The following ZDHHC11 variants were observed in gnomAD, a reference collection of about 807,000 sequenced individuals.
The protein encoded by ZDHHC11 is palmitoyltransferase ZDHHC11.
In ZDHHC11, 44 loss-of-function variants were observed where a neutral mutation model predicts 51.3. The ratio of observed to expected loss-of-function variants is 0.86; its 90% CI spans 0.67 to 1.10. ZDHHC11 has a LOEUF of 1.10. Ranked by LOEUF, ZDHHC11 falls within the 50% of genes least tolerant of loss-of-function variation. The probability of loss-of-function intolerance (pLI) is 0.00; values close to 1 mark genes in which losing one functional copy is unlikely to be tolerated. For missense variants in ZDHHC11, 400 were observed against 537.7 expected (o/e 0.74, Z 2.53); for synonymous variants, 163 against 222.0 (o/e 0.73, Z 2.36).
At chr5:850,357 A>G (rs1460349423) in intron 1 of ZDHHC11, 24 bp downstream of exon 1, 3 of 1,611,776 alleles carry the variant, frequency 1.9e-6, no homozygotes, top group Non-Finnish European at 2.5e-6. Context: ...TCCCGCTTAG[A>G]CCATGCCACG....
At chr5:800,657 T>G (rs1738286155) in intron 12 of ZDHHC11, among the ~76,000 whole-genome samples, 1 of 151,444 alleles carries the variant, frequency 6.6e-6, no homozygotes, top group African/African-American at 2.4e-5. Flanking sequence ...TGTTTCACGG[T>G]TAAATTTCAC....
intron 12 of ZDHHC11, among the ~76,000 whole-genome samples, 151 bp downstream of exon 12, chr5:800,949 T>A (rs1202972677): frequency 3.3e-5 from 5 of 151,370 alleles, no homozygotes; most frequent in Non-Finnish European, 7.4e-5. Context: ...ACACGGTTCC[T>A]GTTCTGGGGT....
intron 3 of ZDHHC11, among the ~76,000 whole-genome samples, chr5:845,768 G>A (rs973580552): frequency 2.0e-5 from 3 of 151,372 alleles, no homozygotes; most frequent in Admixed American, 6.5e-5. Context: ...ACAGAAGCGA[G>A]GTTGGCACAG....
At chr5:853,354 G>T (rs1197049036), upstream of ZDHHC11, among the ~76,000 whole-genome samples, 16 of 148,290 alleles carry the variant, frequency 1.1e-4, no homozygotes, top group Non-Finnish European at 2.4e-4. Context: ...CGAGTCGGGG[G>T]TACAGACCCC....
intron 7 of ZDHHC11, among the ~76,000 whole-genome samples, 174 bp downstream of exon 7, chr5:833,599 A>C (rs1403948130): frequency 6.6e-6 from 1 of 150,744 alleles, no homozygotes; most frequent in Non-Finnish European, 1.5e-5. Context: ...CGAGATAGAT[A>C]ATTTGGTATA....
upstream of ZDHHC11, among the ~76,000 whole-genome samples, chr5:854,056 C>G (rs1291627140): frequency 1.5e-4 from 19 of 129,272 alleles, no homozygotes; most frequent in African/African-American, 5.5e-4. Context: ...CAGTGAGCAG[C>G]CGGGACAGAC....
At chr5:806,692 A>G (rs1404204184) in intron 11 of ZDHHC11, among the ~76,000 whole-genome samples, 1 of 151,336 alleles carries the variant, frequency 6.6e-6, no homozygotes, top group East Asian at 1.9e-4. Flanking sequence ...AGAAAAGCAC[A>G]AAGAGTCCAG....
chr5:850,733 C>T lies in ZDHHC11; in HGVS notation c.-131G>A, dbSNP rs1396921764. ...AGCACTGACAGCCAATGGCCCAGCACTGCCTGGGGCCACGTTCCCCGCAGA... is the reference window on the plus strand; with the variant it reads ...AGCACTGACAGCCAATGGCCCAGCATTGCCTGGGGCCACGTTCCCCGCAGA... On this transcript the variant is annotated 5_prime_UTR_variant, in exon 1 of 13. It adds an upstream start codon to the 5' untranslated region. Coordinates refer to ENST00000283441, the MANE Select transcript of ZDHHC11 (RefSeq NM_024786.3). 3.5e-6 allele frequency: 4 copies of T among 1,130,186 alleles called. No individual in the cohort carries two copies. Among genetic ancestry groups the T allele is most frequent in the Non-Finnish European group, 5.0e-6 (4 of 800,652 alleles). The allele number at this position is 1,130,186 out of a possible 1,614,324, so 70.0% of individuals were successfully genotyped here. A position where few individuals can be genotyped will look rare whatever the true frequency, so the allele number is the denominator to read the frequency against.
rs1359268179 is a variant in ZDHHC11, at chr5:840,833, G to A, written c.629-183C>T. ...TGCCCCGTAGGCCCTGCTGCCTTCG[G>A]TTGGTTTTCATGATCCCTGCTTTAT... is the stretch of plus-strand genomic sequence containing the variant. On this transcript the variant is annotated intron_variant, in intron 4 of 12. Transcript: ENST00000283441. 3 of 1,476,792 alleles carry A rather than the reference G, an allele frequency of 2.0e-6. No individual in the cohort carries two copies. In the Admixed American group the frequency reaches 6.6e-5, roughly 32 times the overall value. 91.5% of individuals were successfully genotyped at this position (1,476,792 alleles called of 1,614,324 possible). A position where few individuals can be genotyped will look rare whatever the true frequency, so the allele number is the denominator to read the frequency against.
rs561284056 is a variant in ZDHHC11, at chr5:857,458, T to C, written c.-1+1416A>G. On this transcript the variant is annotated intron_variant, in intron 1 of 3. Transcript: ENST00000685990. ...CCATGACCTCCTCAGTCTTTCCTGT[T>C]TCCATCTGTGTATATGACACCAGGC... Among the ~76,000 whole-genome samples the C allele has an allele frequency of 2.0e-5, 3 of 152,244 alleles. No individual in the cohort carries two copies. The East Asian group carries it at 5.8e-4, about 29-fold the overall frequency.
chr5:825,330 G>A (rs28501411), intron 7 of ZDHHC11, 79 bp from the exon 8 acceptor site: 27,840 of 1,399,974 alleles, frequency 0.02, 123 homozygotes, highest in East Asian at 0.18. Flanking sequence ...GCTGCACCGC[G>A]TCGTGTCAGC....
At chr5:810,249 G>C (rs945092523) in intron 11 of ZDHHC11, among the ~76,000 whole-genome samples, 1 of 122,088 alleles carries the variant, frequency 8.2e-6, no homozygotes, top group Non-Finnish European at 1.8e-5. Flanking sequence ...CAAAGGAACA[G>C]CTCCAACCTC....
In ZDHHC11 at chr5:850,700, C is replaced by T. The variant is rs1209665520; in HGVS notation, c.-98G>A. On this transcript the variant is annotated 5_prime_UTR_variant, in exon 1 of 13. Transcript: ENST00000283441. ...ACCAAGGGGACTGGGAATGCAGCCG[C>T]CAGGACCAGCACTGACAGCCAATGG... 12 of 1,440,026 alleles carry T rather than the reference C, an allele frequency of 8.3e-6. No individual in the cohort carries two copies. Among genetic ancestry groups the T allele is most frequent in the Admixed American group, 1.9e-5 (1 of 52,444 alleles). The allele number at this position is 1,440,026 out of a possible 1,614,324, so 89.2% of individuals were successfully genotyped here. A position where few individuals can be genotyped will look rare whatever the true frequency, so the allele number is the denominator to read the frequency against.
chr5:837,658 C>T (rs955587565), intron 5 of ZDHHC11, among the ~76,000 whole-genome samples, 178 bp from the exon 6 acceptor site: 2 of 151,732 alleles, frequency 1.3e-5, no homozygotes, highest in African/African-American at 4.8e-5. Context: ...CTTGTGGGCC[C>T]AGTTCTGCAG....
chr5:856,708 C>A (rs1748305335), intron 1 of ZDHHC11, among the ~76,000 whole-genome samples: 1 of 151,602 alleles, frequency 6.6e-6, no homozygotes, highest in Non-Finnish European at 1.5e-5. Context: ...CATCACTCTC[C>A]CCATACCACA....
intron 11 of ZDHHC11, among the ~76,000 whole-genome samples, chr5:811,727 CA>C (rs978242718): frequency 1.1e-4 from 16 of 151,354 alleles, no homozygotes; most frequent in African/African-American, 3.4e-4. Context: ...AATTTTGCTC[CA>C]AATTCCAGGT....
intron 11 of ZDHHC11, among the ~76,000 whole-genome samples, chr5:804,312 A>G (rs1738928357): frequency 6.6e-6 from 1 of 151,298 alleles, no homozygotes; most frequent in African/African-American, 2.4e-5. Context: ...CAATCTGCCC[A>G]TTAATGTACA....
chr5:836,000 C>T (rs185688867), intron 6 of ZDHHC11, among the ~76,000 whole-genome samples: 1 of 151,808 alleles, frequency 6.6e-6, no homozygotes, highest in East Asian at 1.9e-4. Context: ...TCATTGTCTG[C>T]AAATAAACAC....
intron 10 of ZDHHC11, among the ~76,000 whole-genome samples, chr5:818,791 G>A (rs771468384): frequency 6.6e-6 from 1 of 151,526 alleles, no homozygotes; most frequent in Admixed American, 6.6e-5. Context: ...AGCCCAGGAG[G>A]TGGAGGCTGC....
Sources: allele counts gnomAD v4.1 joint callset (sites outside exome capture counted in the v4.1 genomes callset), GRCh38; gene constraint gnomAD v4.1.1; transcripts MANE v1.5; gene names NCBI Gene and HGNC (gene_info 2026-07-23, HGNC 2026-07-21).